Variants in MUCL3 observed in about 807,000 individuals in gnomAD.
MUCL3 encodes mucin-like protein 3.
In MUCL3, 42 loss-of-function variants were observed where a neutral mutation model predicts 70.2. The ratio of observed to expected loss-of-function variants is 0.60; its 90% confidence interval spans 0.47 to 0.77. MUCL3 has a LOEUF of 0.77. MUCL3 is among the 30% of genes least tolerant of loss of function. The probability of loss-of-function intolerance (pLI) is 0.00; values close to 1 mark genes in which losing one functional copy is unlikely to be tolerated. For synonymous variants in MUCL3, 522 were observed against 647.0 expected, an observed-to-expected ratio of 0.81 and a Z score of 2.93; for missense variants, 1,429 against 1,670.0, an observed-to-expected ratio of 0.86 and a Z score of 2.52.
At position 30,951,924 on chromosome 6, in the gene MUCL3, T is replaced by C. The variant is rs2517449; in HGVS notation, c.3460T>C (p.Leu1154=). 547,545 of 1,612,734 alleles carry C rather than the reference T, an allele frequency of 0.34. 96,345 individuals carry two copies. Among genetic ancestry groups the C allele is most frequent in the Non-Finnish European group, 0.36 (427,346 of 1,179,658 alleles). The change falls in exon 2 of 3, where the codon TTG becomes CTG. Residue 1154 remains leucine, a synonymous_variant. Transcript: ENST00000462446. ...TATAAAACATGCAAAAAGGACCACA[T>C]TGGCCCATGAGAAGATGACACAAGT... ...EPIKHAKRTT[L]AHEKMTQVTE... is the part of the protein sequence containing the mutation.
Position 30,953,461 on chromosome 6 carries a change from C to T in MUCL3, c.*344C>T, listed in dbSNP as rs1760816182. On this transcript the variant is annotated 3_prime_UTR_variant, in exon 3 of 3. Coordinates refer to ENST00000462446, the MANE Select transcript of MUCL3 (RefSeq NM_080870.4). ...AAAGGAAGGACAGGAGCCTTATAGG[C>T]AATGCCCCAGACTGACTTGTGAGTG... The T allele has an allele frequency of 3.2e-6, 1 of 316,838 alleles. No homozygotes were observed. The allele number at this position is 316,838 out of a possible 1,614,324, so 19.6% of individuals were successfully genotyped here.
In MUCL3 at chr6:30,951,044, T is replaced by A; in HGVS notation, c.2580T>A (p.Pro860=). Residue 860 remains proline (P), a synonymous_variant, in exon 2 of 3, where the codon CCT becomes CCA. Coordinates refer to ENST00000462446, the MANE Select transcript of MUCL3 (RefSeq NM_080870.4). ...NEKTTPFPAE[P]TENREWTANE... is the part of the protein sequence containing the mutation. ...AGACCACACCATTCCCAGCAGAGCCTACAGAAAATAGAGAATGGACAGCCA... is the reference window on the plus strand; with the variant it reads ...AGACCACACCATTCCCAGCAGAGCCAACAGAAAATAGAGAATGGACAGCCA... 1 of 1,547,058 alleles carries A rather than the reference T, an allele frequency of 6.5e-7. No homozygotes were observed. The highest frequency in any genetic ancestry group is 8.7e-7 in the Non-Finnish European group (1 of 1,146,520).
intron 1 of MUCL3, among the ~76,000 whole-genome samples, chr6:30,946,761 G>C (rs902555973): frequency 6.6e-6 from 1 of 152,204 alleles, no homozygotes; most frequent in Non-Finnish European, 1.5e-5. Context: ...CTGGGCCCGG[G>C]ACCCCAGGAT....
chr6:30,947,594 C>T (rs976553991), intron 1 of MUCL3, among the ~76,000 whole-genome samples: 12 of 151,294 alleles, frequency 7.9e-5, no homozygotes, highest in Non-Finnish European at 1.5e-4. Context: ...GGAATTAAGG[C>T]GTGTATCTGT....
Position 30,951,662 on chromosome 6 carries a change from A to T in MUCL3, c.3198A>T (p.Gly1066=), listed in dbSNP as rs1004558337. 5 of 1,552,276 alleles carry T rather than the reference A, an allele frequency of 3.2e-6. No homozygotes were observed. Among genetic ancestry groups the T allele is most frequent in the Non-Finnish European group, 4.4e-6 (5 of 1,147,050 alleles). ...TPSPVKPTEH[G]EKTTLANEKI... ...CCCCAGTAAAGCCTACAGAACATGGAGAAAAGACTACATTGGCCAATGAGA... is the reference window on the plus strand; with the variant it reads ...CCCCAGTAAAGCCTACAGAACATGGTGAAAAGACTACATTGGCCAATGAGA... The change falls in exon 2 of 3, where the codon GGA becomes GGT. Residue 1066 remains glycine, a synonymous_variant. Transcript: ENST00000462446.
Position 30,949,645 on chromosome 6 carries a change from C to T in MUCL3, c.1181C>T (p.Pro394Leu), listed in dbSNP as rs369358836. 1.0e-5 allele frequency: 16 copies of T among 1,547,182 alleles called. No individual in the cohort carries two copies. Among genetic ancestry groups the T allele is most frequent in the Non-Finnish European group, 1.3e-5 (15 of 1,144,866 alleles). Residue 394 changes from proline to leucine, a missense_variant, in exon 2 of 3, where the codon CCA becomes CTA. Pro to Leu is a moderately conservative substitution (Grantham distance 98, BLOSUM62 -3). Transcript: ENST00000462446. ...AGGACAGCCAATGAGAACACTACACCATCCCCAGCAGAGCCTACAGAACAT... is the reference window on the plus strand; with the variant it reads ...AGGACAGCCAATGAGAACACTACACTATCCCCAGCAGAGCCTACAGAACAT... Reference protein sequence around the residue: ...GERTANENTTPSPAEPTEHGE... With the variant: ...GERTANENTTLSPAEPTEHGE...
rs1020377932 is a variant in MUCL3, at chr6:30,951,559, A to C, written c.3095A>C (p.Glu1032Ala). 7.1e-6 allele frequency: 11 copies of C among 1,552,000 alleles called. No homozygotes were observed. In the East Asian group the frequency reaches 2.5e-4, roughly 35 times the overall value. ...GGAGAAAGGACACCATCAGCCAATG[A>C]GAAGACCATACCATCTCCAGCAAAG... Reference protein sequence around the residue: ...EHGERTPSANEKTIPSPAKPT... With the variant: ...EHGERTPSANAKTIPSPAKPT... Residue 1032 changes from glutamate (E) to alanine (A), a missense_variant, in exon 2 of 3, where the codon GAG (glutamate) becomes GCG (alanine). Coordinates refer to ENST00000462446, the MANE Select transcript of MUCL3 (RefSeq NM_080870.4).
At chr6:30,945,493 A>T (rs888648473) in intron 1 of MUCL3, among the ~76,000 whole-genome samples, 1 of 148,774 alleles carries the variant, frequency 6.7e-6, no homozygotes, top group Admixed American at 6.7e-5. Flanking sequence ...AAAAAAAAAA[A>T]GGTGAGGAGG....
intron 1 of MUCL3, 55 bp downstream of exon 1, chr6:30,941,136 A>T (rs1795554601): frequency 6.5e-7 from 1 of 1,535,020 alleles, no homozygotes; most frequent in Non-Finnish European, 8.8e-7. Flanking sequence ...CTTAGTGTTC[A>T]TAGCGTTGGA....
intron 1 of MUCL3, chr6:30,945,959 A>C (rs1415884240): frequency 6.6e-6 from 1 of 152,316 alleles, no homozygotes; most frequent in African/African-American, 2.4e-5. Context: ...ATCTCAAAAA[A>C]CAAACAAACA....
At chr6:30,952,589 C>A in intron 2 of MUCL3, 90 bp downstream of exon 2, 1 of 1,386,894 alleles carries the variant, frequency 7.2e-7, no homozygotes, top group Non-Finnish European at 9.7e-7. Flanking sequence ...AATAATGAGT[C>A]TAGGAAAAGA....
rs1025459249 is a variant in MUCL3, at chr6:30,953,478, T to C, written c.*361T>C. On this transcript the variant is annotated 3_prime_UTR_variant, in exon 3 of 3. Transcript: ENST00000462446. ...CTTATAGGCAATGCCCCAGACTGACTTGTGAGTGGGGTTTATGGGGAAAGG... is the reference window on the plus strand; with the variant it reads ...CTTATAGGCAATGCCCCAGACTGACCTGTGAGTGGGGTTTATGGGGAAAGG... 1.1e-5 allele frequency: 3 copies of C among 266,848 alleles called. No individual in the cohort carries two copies. The highest frequency in any genetic ancestry group is 2.1e-5 in the Non-Finnish European group (3 of 140,458). The allele number at this position is 266,848 out of a possible 1,614,324, so 16.5% of individuals were successfully genotyped here.
At position 30,951,720 on chromosome 6, in the gene MUCL3, C is replaced by A; in HGVS notation, c.3256C>A (p.His1086Asn). 1 of 1,552,032 alleles carries A rather than the reference C, an allele frequency of 6.4e-7. No individual in the cohort carries two copies. The highest frequency in any genetic ancestry group is 8.7e-7 in the Non-Finnish European group (1 of 1,147,088). ...ACTATCCCCAGAAGGGCCTACAGAA[C>A]ATGGAGCAAAAACTACGTCGGCCAA... ...ITLSPEGPTE[H>N]GAKTTSANEK... Residue 1086 changes from histidine to asparagine, a missense_variant, in exon 2 of 3, where the codon CAT becomes AAT. Physicochemically the swap from His to Asn is moderately conservative, Grantham distance 68. Transcript: ENST00000462446.
At position 30,952,490 on chromosome 6, in the gene MUCL3, G is replaced by T; in HGVS notation, c.4026G>T (p.Leu1342=). The T allele has an allele frequency of 6.3e-7, 1 of 1,597,496 alleles. No individual in the cohort carries two copies. Among genetic ancestry groups the T allele is most frequent in the Non-Finnish European group, 8.5e-7 (1 of 1,172,762 alleles). The part of the protein sequence containing the change: ...AVILLLVFLG[L]IFLVSYMMRT... ...TTCTCCTCCTGGTGTTCCTTGGCCT[G>T]ATCTTCTTGGTAAGGGACAGATGTG... The change falls in exon 2 of 3, where the codon CTG becomes CTT. Residue 1342 remains leucine, a synonymous_variant. Transcript: ENST00000462446.
chr6:30,947,583 T>A (rs956804636), intron 1 of MUCL3, among the ~76,000 whole-genome samples: 5 of 151,646 alleles, frequency 3.3e-5, no homozygotes, highest in Non-Finnish European at 7.4e-5. Context: ...TGTTTTTCCA[T>A]GGAATTAAGG....
chr6:30,945,005 T>A (rs1795726151), intron 1 of MUCL3, among the ~76,000 whole-genome samples: 1 of 152,222 alleles, frequency 6.6e-6, no homozygotes, highest in South Asian at 2.1e-4. Flanking sequence ...AATCTTGTTA[T>A]CTGAGTCTAG....
intron 1 of MUCL3, among the ~76,000 whole-genome samples, chr6:30,944,134 G>A (rs1795690831): frequency 6.6e-6 from 1 of 152,272 alleles, no homozygotes; most frequent in African/African-American, 2.4e-5. Context: ...TTGGGACAGC[G>A]TGCCCTGACA....
intron 1 of MUCL3, 122 bp from the exon 2 acceptor site, chr6:30,948,425 G>A: frequency 1.3e-6 from 1 of 771,658 alleles, no homozygotes; most frequent in Non-Finnish European, 2.0e-6. Context: ...ATAGTATTCA[G>A]AGGAGACTGG....
In MUCL3 at chr6:30,953,180, G is replaced by A. The variant is rs2240803; in HGVS notation, c.*63G>A. ...CTGCCCCTTTCCTGGATGAGGAACC[G>A]GACTCACAATTTCTATTTCCGGGAC... On this transcript the variant is annotated 3_prime_UTR_variant, in exon 3 of 3. Coordinates refer to ENST00000462446, the MANE Select transcript of MUCL3 (RefSeq NM_080870.4). 309,443 of 1,581,934 alleles carry A rather than the reference G, an allele frequency of 0.2. 37,061 individuals carry two copies. The highest frequency in any genetic ancestry group is 0.45 in the South Asian group (39,005 of 86,556).
Sources: gnomAD v4.1 joint callset for allele counts (sites outside exome capture counted in the v4.1 genomes callset) on GRCh38, gnomAD v4.1.1 for gene constraint, MANE v1.5 for transcripts, NCBI Gene and HGNC (gene_info 2026-07-23, HGNC 2026-07-21) for gene names.